DGKB: variants seen among roughly 807,000 people sequenced by gnomAD.
DGKB encodes the protein diacylglycerol kinase beta, also known as 90 kDa diacylglycerol kinase.
Under a neutral mutation model 114.3 loss-of-function variants are expected in DGKB, and 67 were observed. The observed-to-expected ratio is 0.59, with a 90% CI of 0.48 to 0.72. The LOEUF is 0.72. Ranked by LOEUF, DGKB falls within the 30% of genes least tolerant of loss-of-function variation. The pLI is 0.00. For synonymous variants in DGKB, 398 were observed against 323.1 expected (o/e 1.23, Z -2.49); for missense variants, 907 against 975.2 (o/e 0.93, Z 0.93).
At chr7:14,827,871 G>A (rs1845906923) in intron 2 of DGKB, among the ~76,000 whole-genome samples, 1 of 151,662 alleles carries the variant, frequency 6.6e-6, no homozygotes, top group South Asian at 2.1e-4. Flanking sequence ...GAAAGTTATA[G>A]GGAAAGAAAA....
At chr7:14,749,127 A>T (rs2128428261) in intron 4 of DGKB, among the ~76,000 whole-genome samples, 1 of 152,336 alleles carries the variant, frequency 6.6e-6, no homozygotes, top group African/African-American at 2.4e-5. Context: ...TTAAATATGC[A>T]GCATGGCTAT....
intron 13 of DGKB, among the ~76,000 whole-genome samples, chr7:14,642,495 C>T (rs935264632): frequency 2.6e-5 from 4 of 152,000 alleles, no homozygotes; most frequent in South Asian, 2.1e-4. Context: ...ACAACTACAC[C>T]GATTATTGCA....
intron 23 of DGKB, among the ~76,000 whole-genome samples, chr7:14,218,824 T>C (rs1289281196): frequency 6.6e-6 from 1 of 151,938 alleles, no homozygotes; most frequent in Non-Finnish European, 1.5e-5. Flanking sequence ...CAAAGTTATG[T>C]GCAACCATCA....
intron 1 of DGKB, among the ~76,000 whole-genome samples, chr7:14,916,751 A>G (rs1194757492): frequency 6.6e-6 from 1 of 152,108 alleles, no homozygotes; most frequent in Non-Finnish European, 1.5e-5. Context: ...GAAAATCTGT[A>G]AGGATACAAT....
At chr7:14,683,065 T>C (rs1184379418) in intron 10 of DGKB, among the ~76,000 whole-genome samples, 1 of 152,122 alleles carries the variant, frequency 6.6e-6, no homozygotes, top group African/African-American at 2.4e-5. Flanking sequence ...GGCTCCTCTA[T>C]CATGGCATAG....
At chr7:14,874,950 G>C (rs1328853784) in intron 1 of DGKB, among the ~76,000 whole-genome samples, 1 of 151,924 alleles carries the variant, frequency 6.6e-6, no homozygotes, top group Non-Finnish European at 1.5e-5. Context: ...AGCGTAACGG[G>C]GAAGTAAAAA....
In DGKB at chr7:14,457,997, G is replaced by T. The variant is rs1832531108; in HGVS notation, c.1835+20164C>A. Among the ~76,000 whole-genome samples the T allele has an allele frequency of 3.9e-5, 6 of 152,210 alleles. No individual in the cohort carries two copies. In the South Asian group the frequency reaches 1.2e-3, roughly 32 times the overall value. Reference sequence around the variant, plus strand: ...TCTGGATTGCGGGAAGTGCGGCAAGGCTGAGTGCATGTGGGCTAGCGCCCT... The same window carrying T: ...TCTGGATTGCGGGAAGTGCGGCAAGTCTGAGTGCATGTGGGCTAGCGCCCT... On this transcript the variant is annotated intron_variant, in intron 21 of 25. Coordinates refer to ENST00000402815, the MANE Select transcript of DGKB (RefSeq NM_001350709.2).
At chr7:14,176,257 T>G in intron 25 of DGKB, 2 of 869,336 alleles carry the variant, frequency 2.3e-6, no homozygotes, top group Non-Finnish European at 2.8e-6. Context: ...TAGCATGTTT[T>G]TGAAATGCAA....
chr7:14,168,443 T>A (rs527816734), intron 25 of DGKB, among the ~76,000 whole-genome samples: 12 of 152,298 alleles, frequency 7.9e-5, no homozygotes, highest in Admixed American at 7.8e-4. Context: ...AACATACAGC[T>A]ACAGATTCGT....
intron 24 of DGKB, among the ~76,000 whole-genome samples, chr7:14,177,434 T>C (rs1277808814): frequency 6.6e-6 from 1 of 151,580 alleles, no homozygotes; most frequent in East Asian, 1.9e-4. Context: ...CGGGTGCCTG[T>C]AATCCCAGAT....
chr7:14,525,233 T>C (rs1349633150), intron 20 of DGKB, among the ~76,000 whole-genome samples: 1 of 152,208 alleles, frequency 6.6e-6, no homozygotes, highest in Admixed American at 6.5e-5. Context: ...GTTTTCTCTT[T>C]TATCCATTCT....
In DGKB at chr7:14,949,834, C is replaced by T. The variant is rs558798216; in HGVS notation, c.-188+24862G>A. ...GGATGAAGCTGGAAACCATCATTCTCAGCACACTATTGCAAGGACAGAAAA... is the reference window on the plus strand; with the variant it reads ...GGATGAAGCTGGAAACCATCATTCTTAGCACACTATTGCAAGGACAGAAAA... On this transcript the variant is annotated intron_variant, in intron 1 of 4. Coordinates refer to the DGKB transcript ENST00000437998. Among the ~76,000 whole-genome samples the T allele has an allele frequency of 2.1e-4, 32 of 151,938 alleles. 1 individual carries two copies. Among genetic ancestry groups the T allele is most frequent in the African/African-American group, 7.7e-4 (32 of 41,440 alleles).
chr7:14,729,240 A>T (rs1277282419), intron 5 of DGKB, among the ~76,000 whole-genome samples: 8 of 144,976 alleles, frequency 5.5e-5, no homozygotes, highest in Admixed American at 2.8e-4. Context: ...CTCCCGCCTC[A>T]GCCTCCCGAG....
chr7:14,441,924 T>C (rs1162027742), intron 21 of DGKB, among the ~76,000 whole-genome samples: 1 of 152,058 alleles, frequency 6.6e-6, no homozygotes, highest in African/African-American at 2.4e-5. Context: ...TTTGTCATAA[T>C]GCAGTAGATA....
Position 14,693,953 on chromosome 7 carries a change from GT to G in DGKB, c.711+121del, listed in dbSNP as rs1823364907. On this transcript the variant is annotated intron_variant, in intron 9 of 25. Coordinates refer to ENST00000402815, the MANE Select transcript of DGKB (RefSeq NM_001350709.2). Reference sequence around the variant, plus strand: ...TTGCACCGTGGCATACTTATTAAAAGTTCCAGGCACTCACTGCATGCTTAAT... The same window carrying G: ...TTGCACCGTGGCATACTTATTAAAAGTCCAGGCACTCACTGCATGCTTAAT... 5 of 1,144,514 alleles carry G rather than the reference GT, an allele frequency of 4.4e-6. No individual in the cohort carries two copies. In the South Asian group the frequency reaches 4.9e-5, roughly 11 times the overall value. 70.9% of individuals were successfully genotyped at this position (1,144,514 alleles called of 1,614,324 possible). A position where few individuals can be genotyped will look rare whatever the true frequency, so the allele number is the denominator to read the frequency against.
intron 6 of DGKB, among the ~76,000 whole-genome samples, chr7:14,713,201 T>G (rs1827647188): frequency 6.6e-6 from 1 of 152,140 alleles, no homozygotes; most frequent in Non-Finnish European, 1.5e-5. Context: ...TCCAAAAGAT[T>G]TGCAAGTTTC....
chr7:14,539,488 AC>A (rs796292564), intron 20 of DGKB, among the ~76,000 whole-genome samples: 92 of 152,268 alleles, frequency 6.0e-4, no homozygotes, highest in African/African-American at 2.2e-3. Flanking sequence ...TTTACTAAAA[AC>A]ATCAATAAAC....
intron 21 of DGKB, among the ~76,000 whole-genome samples, chr7:14,359,192 A>T (rs1171188097): frequency 1.3e-5 from 2 of 152,172 alleles, no homozygotes; most frequent in African/African-American, 2.4e-5. Flanking sequence ...ATCTTTGACA[A>T]ACCTGACAAA....
chr7:14,526,966 A>G (rs375146944), intron 20 of DGKB, among the ~76,000 whole-genome samples: 5 of 152,242 alleles, frequency 3.3e-5, no homozygotes, highest in African/African-American at 9.6e-5. Context: ...CCTACTAGTA[A>G]TATGTTTAAT....
Sources: allele counts gnomAD v4.1 joint callset (sites outside exome capture counted in the v4.1 genomes callset), GRCh38; gene constraint gnomAD v4.1.1; transcripts MANE v1.5; gene names NCBI Gene and HGNC (gene_info 2026-07-23, HGNC 2026-07-21).